LYRM7: variants seen among roughly 807,000 people sequenced by gnomAD.
LYRM7 encodes LYR motif containing 7.
Under a neutral mutation model 15.8 loss-of-function variants are expected in LYRM7, and 9 were observed. The observed-to-expected ratio is 0.57, with a 90% confidence interval of 0.34 to 0.99. The LOEUF (loss-of-function observed/expected upper bound fraction) is 0.99. Among genes scored for constraint, LYRM7 ranks in the 50% least tolerant of loss-of-function variants. The pLI is 0.02. For synonymous variants in LYRM7, 39 were observed against 39.4 expected, an observed-to-expected ratio of 0.99 and a Z score of 0.04; for missense variants, 115 against 119.1, an observed-to-expected ratio of 0.97 and a Z score of 0.16.
Position 131,199,753 on chromosome 5 carries a change from G to C in LYRM7, c.*152G>C. On this transcript the variant is annotated 3_prime_UTR_variant, in exon 5 of 5. Transcript: ENST00000379380. ...TTCATATTTAAATTTCATGTTAAAA[G>C]GTCATTACTGAGAACTAAAGAACAT... is the stretch of plus-strand genomic sequence containing the variant. 2.2e-6 allele frequency: 1 copy of C among 454,524 alleles called. No homozygotes were observed. The highest frequency in any genetic ancestry group is 4.0e-6 in the Non-Finnish European group (1 of 252,162). The allele number at this position is 454,524 out of a possible 1,614,324, so 28.2% of individuals were successfully genotyped here. A position where few individuals can be genotyped will look rare whatever the true frequency, so the allele number is the denominator to read the frequency against.
Position 131,199,645 on chromosome 5 carries a change from A to G in LYRM7, c.*44A>G. 1.4e-6 allele frequency: 2 copies of G among 1,405,376 alleles called. No homozygotes were observed. The highest frequency in any genetic ancestry group is 2.0e-6 in the Non-Finnish European group (2 of 1,020,394). 87.1% of individuals were successfully genotyped at this position (1,405,376 alleles called of 1,614,324 possible). A position where few individuals can be genotyped will look rare whatever the true frequency, so the allele number is the denominator to read the frequency against. ...AGTCTTTGTACTTTTTAACTTTAAA[A>G]TCTACAACTCTGGCAAAAGTCCTGG... On this transcript the variant is annotated 3_prime_UTR_variant, in exon 5 of 5. Transcript: ENST00000379380.
chr5:131,172,325 G>GT (rs1755535432), intron 1 of LYRM7, among the ~76,000 whole-genome samples: 1 of 152,216 alleles, frequency 6.6e-6, no homozygotes, highest in Non-Finnish European at 1.5e-5. Flanking sequence ...AGGCACAAGA[G>GT]TTTCTCGAAC....
At chr5:131,179,474 T>TTTTTTTTTTTTTTTTTTC (rs1755656398) in intron 1 of LYRM7, among the ~76,000 whole-genome samples, 10 of 23,494 alleles carry the variant, frequency 4.3e-4, no homozygotes, top group East Asian at 2.5e-3. Context: ...TTTTTTTTTC[T>TTTTTTTTTTTTTTTTTTC]TTTTTTTTTT....
At chr5:131,179,473 C>A (rs58246429) in intron 1 of LYRM7, among the ~76,000 whole-genome samples, 24 of 73,130 alleles carry the variant, frequency 3.3e-4, no homozygotes, top group East Asian at 7.7e-4. Context: ...TTTTTTTTTT[C>A]TTTTTTTTTT....
chr5:131,203,163 G>T lies in LYRM7; in HGVS notation c.*3562G>T, dbSNP rs1468822975. On this transcript the variant is annotated 3_prime_UTR_variant, in exon 5 of 5. Transcript: ENST00000379380. Reference sequence around the variant, plus strand: ...AGAAATGAAGATTCCAGTTCTGAAGGTGAGTTTTCTGAAGCCAAAGTGGAT... The same window carrying T: ...AGAAATGAAGATTCCAGTTCTGAAGTTGAGTTTTCTGAAGCCAAAGTGGAT... The T allele has an allele frequency of 4.6e-5, 7 of 152,276 alleles. No individual in the cohort carries two copies. Among genetic ancestry groups the T allele is most frequent in the African/African-American group, 1.7e-4 (7 of 41,430 alleles). 9.4% of individuals were successfully genotyped at this position (152,276 alleles called of 1,614,324 possible). A position where few individuals can be genotyped will look rare whatever the true frequency, so the allele number is the denominator to read the frequency against.
intron 2 of LYRM7, among the ~76,000 whole-genome samples, chr5:131,181,300 A>ATATATAT (rs1441850768): frequency 1.8e-4 from 2 of 11,068 alleles, no homozygotes; most frequent in African/African-American, 4.0e-4. Flanking sequence ...AAAAAAAAAA[A>ATATATAT]AAATATATAT....
intron 2 of LYRM7, 32 bp from the exon 3 acceptor site, chr5:131,182,197 G>C (rs756054444): frequency 7.3e-7 from 1 of 1,371,446 alleles, no homozygotes; most frequent in Non-Finnish European, 9.8e-7. Flanking sequence ...GATTACAAAA[G>C]CGAATAACTA....
rs199715117 is a variant in LYRM7, at chr5:131,182,251, A to C, written c.114A>C (p.Glu38Asp). ...ALEAARIKIN[E>D]EFKNNKSETS... ...TAGCAGCCAGAATAAAGATAAATGA[A>C]GAATTCAAAAATAATAAAAGTGAAA... The change falls in exon 3 of 5, where the codon GAA (glutamate) becomes GAC (aspartate). Residue 38 changes from glutamate to aspartate, a missense_variant. Glu to Asp is a conservative substitution (Grantham distance 45). Transcript: ENST00000379380. 511 of 1,437,246 alleles carry C rather than the reference A, an allele frequency of 3.6e-4. 3 individuals are homozygous for C. In the African/African-American group the frequency reaches 6.7e-3, roughly 19 times the overall value. The allele number at this position is 1,437,246 out of a possible 1,614,324, so 89.0% of individuals were successfully genotyped here. A position where few individuals can be genotyped will look rare whatever the true frequency, so the allele number is the denominator to read the frequency against.
At chr5:131,171,831 A>C (rs1219608793) in intron 1 of LYRM7, 1 of 152,252 alleles carries the variant, frequency 6.6e-6, no homozygotes, top group Non-Finnish European at 1.5e-5. Flanking sequence ...AGCAGCCTTC[A>C]TGTACTTTTG....
chr5:131,171,110 C>G (rs1341363414), intron 1 of LYRM7, 72 bp downstream of exon 1: 3 of 1,388,426 alleles, frequency 2.2e-6, no homozygotes, highest in Non-Finnish European at 2.8e-6. Context: ...AGAAAACTGT[C>G]TGGAGTCTCT....
At chr5:131,183,526 A>G (rs1755745761) in intron 3 of LYRM7, among the ~76,000 whole-genome samples, 1 of 152,174 alleles carries the variant, frequency 6.6e-6, no homozygotes, top group African/African-American at 2.4e-5. Flanking sequence ...TCCCAAATTC[A>G]TTTTACTTAC....
intron 2 of LYRM7, among the ~76,000 whole-genome samples, chr5:131,181,417 T>TATA (rs1246590037): frequency 9.4e-6 from 1 of 106,200 alleles, no homozygotes; most frequent in Non-Finnish European, 1.7e-5. Context: ...ATATATATGT[T>TATA]TATATATATA....
chr5:131,190,375 T>C (rs1039007599), intron 4 of LYRM7, among the ~76,000 whole-genome samples: 3 of 152,002 alleles, frequency 2.0e-5, no homozygotes, highest in Non-Finnish European at 2.9e-5. Context: ...TTTGTATTTT[T>C]AGTAGAGACG....
At position 131,200,220 on chromosome 5, in the gene LYRM7, C is replaced by T. The variant is rs528785364; in HGVS notation, c.*619C>T. ...ATAGATGAATAAAATATTATAGTCA[C>T]CTAGGGTCACTATGGAATAAAGAAA... On this transcript the variant is annotated 3_prime_UTR_variant, in exon 5 of 5. Coordinates refer to ENST00000379380, the MANE Select transcript of LYRM7 (RefSeq NM_181705.4). 12 of 152,260 alleles carry T rather than the reference C, an allele frequency of 7.9e-5. 1 individual carries two copies. The highest frequency in any genetic ancestry group is 6.5e-4 in the Admixed American group (10 of 15,278). 9.4% of individuals were successfully genotyped at this position (152,260 alleles called of 1,614,324 possible).
intron 1 of LYRM7, among the ~76,000 whole-genome samples, chr5:131,175,066 C>A (rs1195506294): frequency 6.6e-6 from 1 of 152,048 alleles, no homozygotes; most frequent in Non-Finnish European, 1.5e-5. Context: ...ATCCGCGAAC[C>A]ATGCTTTAAA....
At chr5:131,198,075 T>C (rs182280932) in intron 4 of LYRM7, among the ~76,000 whole-genome samples, 1 of 152,196 alleles carries the variant, frequency 6.6e-6, no homozygotes, top group East Asian at 1.9e-4. Context: ...GCAGACATAA[T>C]GCCTATTTAC....
In LYRM7 at chr5:131,201,713, C is replaced by A. The variant is rs1426828561; in HGVS notation, c.*2112C>A. On this transcript the variant is annotated 3_prime_UTR_variant, in exon 5 of 5. Transcript: ENST00000379380. ...CAGCCTAGGCAACAAGAGTGAAACT[C>A]CGTCTCAAAAATAAATAAATAAATA... is the stretch of plus-strand genomic sequence containing the variant. 6.8e-6 allele frequency: 1 copy of A among 147,508 alleles called. No homozygotes were observed. Among genetic ancestry groups the A allele is most frequent in the Admixed American group, 6.7e-5 (1 of 14,878 alleles). 9.1% of individuals were successfully genotyped at this position (147,508 alleles called of 1,614,324 possible).
At chr5:131,184,642 G>GC (rs947647651) in intron 3 of LYRM7, among the ~76,000 whole-genome samples, 4,456 of 142,302 alleles carry the variant, frequency 0.031, 207 homozygotes, top group African/African-American at 0.1. Flanking sequence ...TTTTTTGGCG[G>GC]GGGGGGGGTT....
intron 4 of LYRM7, 142 bp from the exon 5 acceptor site, chr5:131,199,389 T>C: frequency 1.9e-6 from 1 of 539,214 alleles, no homozygotes; most frequent in Non-Finnish European, 3.2e-6. Flanking sequence ...ACCTTAGATA[T>C]CAACTGAAAT....
Sources: gnomAD v4.1 joint callset for allele counts (sites outside exome capture counted in the v4.1 genomes callset) on GRCh38, gnomAD v4.1.1 for gene constraint, MANE v1.5 for transcripts, NCBI Gene and HGNC (gene_info 2026-07-23, HGNC 2026-07-21) for gene names.